RASA3: variants seen among roughly 807,000 people sequenced by gnomAD.
The protein encoded by RASA3 is ras GTPase-activating protein 3.
Under a neutral mutation model 110.0 loss-of-function variants are expected in RASA3, and 73 were observed. The observed-to-expected ratio is 0.66, with a 90% CI of 0.55 to 0.81. The LOEUF (loss-of-function observed/expected upper bound fraction) is 0.81. Ranked by LOEUF, RASA3 falls within the 30% of genes least tolerant of loss-of-function variation. RASA3 has a pLI of 0.00. For missense variants in RASA3, 976 were observed against 1,113.2 expected (o/e 0.88, Z 1.75); for synonymous variants, 500 against 451.4 (o/e 1.11, Z -1.37).
chr13:114,119,334 G>C (rs2080333955), intron 1 of RASA3, among the ~76,000 whole-genome samples: 1 of 152,202 alleles, frequency 6.6e-6, no homozygotes, highest in African/African-American at 2.4e-5. Context: ...AGGAAATGAT[G>C]GAGAGAGAAA....
intron 21 of RASA3, among the ~76,000 whole-genome samples, chr13:113,993,847 T>C (rs575566616): frequency 5.3e-5 from 6 of 112,572 alleles, no homozygotes; most frequent in Admixed American, 3.4e-4. Context: ...GAAAAGAAAA[T>C]CTACATTGTA....
intron 8 of RASA3, among the ~76,000 whole-genome samples, chr13:114,022,129 G>A (rs574708263): frequency 1.8e-4 from 28 of 152,258 alleles, no homozygotes; most frequent in African/African-American, 6.3e-4. Flanking sequence ...ACACCACAGC[G>A]GGGGGAGAAC....
At chr13:114,058,621 C>G (rs575670444) in intron 2 of RASA3, among the ~76,000 whole-genome samples, 1 of 152,386 alleles carries the variant, frequency 6.6e-6, no homozygotes, top group Admixed American at 6.5e-5. Context: ...GATGCCCAGA[C>G]CAGCAACCAT....
intron 1 of RASA3, among the ~76,000 whole-genome samples, chr13:114,125,110 T>C (rs1488898811): frequency 2.6e-5 from 4 of 152,194 alleles, no homozygotes; most frequent in Non-Finnish European, 5.9e-5. Flanking sequence ...TTTGCTTCTT[T>C]TGAATCTTAT....
chr13:114,131,095 C>T (rs2080512077), intron 1 of RASA3, among the ~76,000 whole-genome samples: 2 of 152,258 alleles, frequency 1.3e-5, no homozygotes, highest in Non-Finnish European at 2.9e-5. Flanking sequence ...CTGCCACATC[C>T]TAGCTGCAGC....
At chr13:114,050,775 G>A (rs2079132262) in intron 3 of RASA3, among the ~76,000 whole-genome samples, 1 of 152,242 alleles carries the variant, frequency 6.6e-6, no homozygotes, top group Non-Finnish European at 1.5e-5. Context: ...ACGTCGTGCT[G>A]ACACACACTA....
chr13:114,076,785 C>T (rs1239359334), intron 1 of RASA3, among the ~76,000 whole-genome samples: 1 of 152,122 alleles, frequency 6.6e-6, no homozygotes, highest in Non-Finnish European at 1.5e-5. Flanking sequence ...GGACAGGGGC[C>T]CCTCCAGCCT....
chr13:114,094,764 T>G (rs2079923562), intron 1 of RASA3, among the ~76,000 whole-genome samples: 1 of 152,240 alleles, frequency 6.6e-6, no homozygotes, highest in Non-Finnish European at 1.5e-5. Flanking sequence ...TTAATTGTAT[T>G]ATTTTTATTT....
chr13:113,979,484 G>A (rs1188296299), intron 23 of RASA3, 62 bp from the exon 24 acceptor site: 10 of 1,328,816 alleles, frequency 7.5e-6, no homozygotes, highest in Admixed American at 3.4e-5. Context: ...CTCACCCGTG[G>A]CTGCGGGAGC....
intron 2 of RASA3, among the ~76,000 whole-genome samples, chr13:114,068,604 T>C (rs2079497727): frequency 6.6e-6 from 1 of 152,156 alleles, no homozygotes; most frequent in African/African-American, 2.4e-5. Context: ...TTTAGGGTCG[T>C]GGGTGCCGGC....
At chr13:114,052,299 T>G in intron 2 of RASA3, 144 bp from the exon 3 acceptor site, 3 of 595,314 alleles carry the variant, frequency 5.0e-6, no homozygotes, top group Non-Finnish European at 9.1e-6. Flanking sequence ...AACCTGCAGC[T>G]CCCTGTGGGG....
chr13:114,131,386 G>A (rs1285426716), intron 1 of RASA3, among the ~76,000 whole-genome samples: 1 of 152,152 alleles, frequency 6.6e-6, no homozygotes, highest in Non-Finnish European at 1.5e-5. Flanking sequence ...GCACACTCAT[G>A]GCATGAATAT....
chr13:113,991,797 CAT>C (rs556346921), intron 22 of RASA3, among the ~76,000 whole-genome samples: 65 of 152,366 alleles, frequency 4.3e-4, no homozygotes, highest in East Asian at 7.7e-4. Context: ...CATGCTGACA[CAT>C]GTGCCCAAAG....
intron 3 of RASA3, among the ~76,000 whole-genome samples, chr13:114,046,390 C>T (rs867916256): frequency 1.7e-4 from 26 of 152,228 alleles, no homozygotes; most frequent in Non-Finnish European, 2.4e-4. Context: ...TCCCCACGGG[C>T]GGGGTGTTGA....
intron 2 of RASA3, among the ~76,000 whole-genome samples, chr13:114,055,558 C>T (rs1251691491): frequency 6.6e-6 from 1 of 152,266 alleles, no homozygotes; most frequent in Non-Finnish European, 1.5e-5. Flanking sequence ...ACGAGCTACT[C>T]ACAGGACAAG....
intron 1 of RASA3, among the ~76,000 whole-genome samples, chr13:114,098,643 G>C (rs1566570586): frequency 6.6e-6 from 1 of 152,034 alleles, no homozygotes; most frequent in Non-Finnish European, 1.5e-5. Context: ...AGGGGAGGCA[G>C]GAAGGGCAAG....
rs571811366 is a variant in RASA3 at position 114,046,708 on chromosome 13, C to T, written c.277+5344G>A. ...CTAGTCCTCAATTTGGTTCGGTGTC[C>T]GAGCCCTGCCTTCAGAGTCCAGTCC... is the stretch of plus-strand genomic sequence containing the variant. On this transcript the variant is annotated intron_variant, in intron 3 of 23. Transcript: ENST00000334062. 7.9e-5 allele frequency among the ~76,000 whole-genome samples: 12 copies of T among 152,230 alleles called. No homozygotes were observed. The South Asian group carries it at 8.3e-4, about 11-fold the overall frequency.
chr13:114,030,538 G>GGCAAGGCTCACACAGAGA (rs1566502129), intron 4 of RASA3, among the ~76,000 whole-genome samples: 4 of 121,820 alleles, frequency 3.3e-5, no homozygotes, highest in African/African-American at 1.2e-4. Context: ...TCACACAGAG[G>GGCAAGGCTCACACAGAGA]GCAAGACTCA....
In RASA3 at chr13:114,014,965, G is replaced by A. The variant is rs1372087521; in HGVS notation, c.1405+244C>T. Among the ~76,000 whole-genome samples, 1 of 152,042 alleles carries A rather than the reference G, an allele frequency of 6.6e-6. No homozygotes were observed. Among genetic ancestry groups the A allele is most frequent in the Non-Finnish European group, 1.5e-5 (1 of 67,978 alleles). The stretch of plus-strand genomic sequence containing the variant: ...CTGCGGTGGTGATCTCCAGGGCTGG[G>A]GTCCCCTGGAGACTACTGTGGAGGT... On this transcript the variant is annotated intron_variant, in intron 14 of 23. Transcript: ENST00000334062. The surrounding 1 kb of genome is among the most constrained non-coding windows in gnomAD (Gnocchi z 4.5).
Sources: allele counts gnomAD v4.1 joint callset (sites outside exome capture counted in the v4.1 genomes callset), GRCh38; gene constraint gnomAD v4.1.1; non-coding constraint Gnocchi (gnomAD v3.1); transcripts MANE v1.5; gene names NCBI Gene and HGNC (gene_info 2026-07-23, HGNC 2026-07-21).